Variants in LHFPL2 observed in about 807,000 individuals in gnomAD.
LHFPL2 encodes the protein LHFPL tetraspan subfamily member 2 protein.
In LHFPL2, 7 loss-of-function variants were observed where a neutral mutation model predicts 17.5. That is an observed-to-expected ratio of 0.40 (90% confidence interval 0.23 to 0.75). The LOEUF is 0.75. Ranked by LOEUF, LHFPL2 falls within the 30% of genes least tolerant of loss-of-function variation. LHFPL2 has a pLI of 0.37. For synonymous variants in LHFPL2, 134 were observed against 116.2 expected (o/e 1.15, Z -0.99); for missense variants, 241 against 294.8 (o/e 0.82, Z 1.34).
rs71613975 is a variant in LHFPL2, at chr5:78,609,450, C to CAAAAAAAA, written c.-245+22806_-245+22813dup. On this transcript the variant is annotated intron_variant, in intron 2 of 4. Transcript: ENST00000380345. ...TGGGAAACAGAGCGAGACTCAGTCT[C>CAAAAAAAA]AAAAAAAAAAAAAAAAAAAAAAAAA... 1.7e-4 allele frequency among the ~76,000 whole-genome samples: 7 copies of CAAAAAAAA among 40,678 alleles called. 1 individual carries two copies. The highest frequency in any genetic ancestry group is 4.3e-4 in the African/African-American group (5 of 11,680). 26.7% of individuals were successfully genotyped at this position (40,678 alleles called of 152,430 possible).
At chr5:78,616,586 C>T (rs910735062) in intron 2 of LHFPL2, among the ~76,000 whole-genome samples, 2 of 152,172 alleles carry the variant, frequency 1.3e-5, no homozygotes, top group African/African-American at 4.8e-5. Flanking sequence ...AATCCTTGCT[C>T]AGTGTGCTGA....
At chr5:78,613,205 C>G (rs1189717687) in intron 2 of LHFPL2, among the ~76,000 whole-genome samples, 1 of 152,176 alleles carries the variant, frequency 6.6e-6, no homozygotes, top group Non-Finnish European at 1.5e-5. Flanking sequence ...TTGCTTCTCT[C>G]AAGACATAGG....
In LHFPL2 at chr5:78,488,537, G is replaced by GA; in HGVS notation, c.*359dup. 3.7e-6 allele frequency: 1 copy of GA among 270,594 alleles called. No homozygotes were observed. Among genetic ancestry groups the GA allele is most frequent in the Admixed American group, 4.7e-5 (1 of 21,062 alleles). The allele number at this position is 270,594 out of a possible 1,614,324, so 16.8% of individuals were successfully genotyped here. A position where few individuals can be genotyped will look rare whatever the true frequency, so the allele number is the denominator to read the frequency against. ...CTCACAAGCAAGCAGTGTTGGAGCA[G>GA]AAACAGCCTGCAGATCTGGCGGACG... On this transcript the variant is annotated 3_prime_UTR_variant, in exon 5 of 5. Transcript: ENST00000380345.
At chr5:78,489,895 C>T (rs1328911347) in intron 4 of LHFPL2, among the ~76,000 whole-genome samples, 2 of 138,148 alleles carry the variant, frequency 1.4e-5, no homozygotes, top group Non-Finnish European at 3.2e-5. Flanking sequence ...GTCTGGCTTT[C>T]TGCAGAAAGA....
At chr5:78,547,004 A>G (rs2112385923) in intron 3 of LHFPL2, among the ~76,000 whole-genome samples, 1 of 150,106 alleles carries the variant, frequency 6.7e-6, no homozygotes, top group East Asian at 1.9e-4. Context: ...TGAAAGCAGA[A>G]CTGTACTGGT....
At chr5:78,498,197 T>G (rs2112300124) in intron 4 of LHFPL2, among the ~76,000 whole-genome samples, 1 of 152,288 alleles carries the variant, frequency 6.6e-6, no homozygotes, top group Non-Finnish European at 1.5e-5. Flanking sequence ...GGGCAGAGGA[T>G]GCAGAACTGT....
chr5:78,546,819 G>C (rs1436680091), intron 3 of LHFPL2, among the ~76,000 whole-genome samples: 2 of 152,200 alleles, frequency 1.3e-5, no homozygotes, highest in African/African-American at 4.8e-5. Flanking sequence ...TCTGTGGATT[G>C]ATCGATGCAG....
chr5:78,526,571 T>C (rs554724186), intron 3 of LHFPL2, among the ~76,000 whole-genome samples: 2 of 152,294 alleles, frequency 1.3e-5, no homozygotes, highest in East Asian at 3.9e-4. Context: ...TCCTTCCTCA[T>C]CAAAGTAAAT....
intron 2 of LHFPL2, among the ~76,000 whole-genome samples, chr5:78,571,182 T>C (rs892095441): frequency 1.3e-5 from 2 of 152,198 alleles, no homozygotes; most frequent in Non-Finnish European, 2.9e-5. Context: ...TGGAGTTTGC[T>C]GCACACTGCC....
At chr5:78,592,573 T>A (rs994614686) in intron 2 of LHFPL2, among the ~76,000 whole-genome samples, 1 of 152,156 alleles carries the variant, frequency 6.6e-6, no homozygotes, top group Non-Finnish European at 1.5e-5. Context: ...CACTTTCATC[T>A]ACATTAAGTT....
At chr5:78,530,487 A>G (rs1189669583) in intron 3 of LHFPL2, among the ~76,000 whole-genome samples, 1 of 152,190 alleles carries the variant, frequency 6.6e-6, no homozygotes, top group Non-Finnish European at 1.5e-5. Context: ...CTCCCTAGAT[A>G]TGATGTATTT....
intron 1 of LHFPL2, chr5:78,641,926 C>CACACACACACACAT (rs1554061996): frequency 2.0e-5 from 3 of 151,776 alleles, no homozygotes; most frequent in African/African-American, 7.3e-5. Flanking sequence ...CACACACACA[C>CACACACACACACAT]ACACACACAC....
chr5:78,500,039 G>A (rs59013176), intron 4 of LHFPL2, among the ~76,000 whole-genome samples: 4,988 of 18,934 alleles, frequency 0.26, 238 homozygotes, highest in African/African-American at 0.43. Context: ...AAAAAAAAAG[G>A]CAGTATAATC....
intron 1 of LHFPL2, among the ~76,000 whole-genome samples, chr5:78,647,882 C>G (rs1745941182): frequency 6.6e-6 from 1 of 152,190 alleles, no homozygotes; most frequent in Non-Finnish European, 1.5e-5. Context: ...CAGAGTCTCC[C>G]CAGTCCTTTG....
intron 3 of LHFPL2, among the ~76,000 whole-genome samples, chr5:78,522,909 TA>T (rs1428765068): frequency 6.6e-6 from 1 of 152,140 alleles, no homozygotes; most frequent in African/African-American, 2.4e-5. Flanking sequence ...AACAGACGGT[TA>T]ATTCAAATGG....
intron 4 of LHFPL2, 55 bp downstream of exon 4, chr5:78,509,729 C>A: frequency 6.5e-7 from 1 of 1,546,920 alleles, no homozygotes; most frequent in Non-Finnish European, 8.8e-7. Context: ...GAGTGCGCTG[C>A]ACCGGCAGCT....
chr5:78,590,972 T>C (rs1387873408), intron 2 of LHFPL2, among the ~76,000 whole-genome samples: 2 of 152,212 alleles, frequency 1.3e-5, no homozygotes, highest in Non-Finnish European at 2.9e-5. Flanking sequence ...TCAAACTGTT[T>C]ACCAGTAAAA....
intron 3 of LHFPL2, among the ~76,000 whole-genome samples, chr5:78,542,475 G>A (rs963729428): frequency 7.2e-5 from 11 of 152,110 alleles, no homozygotes; most frequent in Admixed American, 2.0e-4. Flanking sequence ...CTTGCATCCC[G>A]GGGGCTGGGA....
intron 2 of LHFPL2, among the ~76,000 whole-genome samples, chr5:78,608,318 C>A (rs1041619985): frequency 1.3e-5 from 2 of 152,156 alleles, no homozygotes; most frequent in Admixed American, 1.3e-4. Flanking sequence ...CTTTCACTGA[C>A]AAAAGCTCTC....
Sources: allele counts gnomAD v4.1 joint callset (sites outside exome capture counted in the v4.1 genomes callset), GRCh38; gene constraint gnomAD v4.1.1; transcripts MANE v1.5; gene names NCBI Gene and HGNC (gene_info 2026-07-23, HGNC 2026-07-21).